The following SLC36A1 variants were observed in gnomAD, a reference collection of about 807,000 sequenced individuals.
SLC36A1 encodes the protein proton-coupled amino acid transporter 1.
In SLC36A1, 30 loss-of-function variants were observed where a neutral mutation model predicts 47.5. The ratio of observed to expected loss-of-function variants is 0.63; its 90% CI spans 0.47 to 0.86. The LOEUF is 0.86. Ranked by LOEUF, SLC36A1 falls within the 40% of genes least tolerant of loss-of-function variation. SLC36A1 has a pLI of 0.00. For missense variants in SLC36A1, 517 were observed against 606.0 expected (o/e 0.85, Z 1.54); for synonymous variants, 255 against 249.7 (o/e 1.02, Z -0.20).
chr5:151,465,220 T>A, intron 5 of SLC36A1, 51 bp downstream of exon 5: 3 of 1,382,102 alleles, frequency 2.2e-6, no homozygotes, highest in Non-Finnish European at 3.1e-6. Context: ...TGTGAGGCCT[T>A]CAGATGGGGA....
At chr5:151,353,929 C>A in the SLC36A1 span, among the ~76,000 whole-genome samples, 1 of 152,106 alleles carries the variant, frequency 6.6e-6, no homozygotes, top group Non-Finnish European at 1.5e-5. Context: ...ATATTCCATT[C>A]TTTGAATTTA....
At chr5:151,528,032 C>T in the SLC36A1 span, 3 of 1,614,224 alleles carry the variant, frequency 1.9e-6, no homozygotes, top group Non-Finnish European at 2.5e-6. Flanking sequence ...CCTGTAGCTC[C>T]CCCTTTTTGG....
At chr5:151,554,276 G>C in the SLC36A1 span, 1 of 1,239,594 alleles carries the variant, frequency 8.1e-7, no homozygotes, top group Admixed American at 2.2e-5. Context: ...TATGCTGGTG[G>C]GCTGTCTCCC....
At chr5:151,411,756 G>T in the SLC36A1 span, among the ~76,000 whole-genome samples, 1 of 144,250 alleles carries the variant, frequency 6.9e-6, no homozygotes, top group Non-Finnish European at 1.5e-5. Flanking sequence ...AGTTGAACAA[G>T]GGTCCTTAGT....
chr5:151,514,739 C>T, the SLC36A1 span, among the ~76,000 whole-genome samples: 1 of 152,182 alleles, frequency 6.6e-6, no homozygotes, highest in Non-Finnish European at 1.5e-5. Context: ...CTACTGAAAT[C>T]ATCAGATGGG....
At chr5:151,376,255 A>G in the SLC36A1 span, among the ~76,000 whole-genome samples, 1 of 152,098 alleles carries the variant, frequency 6.6e-6, no homozygotes, top group African/African-American at 2.4e-5. Flanking sequence ...AGATAATCAT[A>G]TTGTTTTTGT....
chr5:151,450,071 TGTCCACTTACTGGCATGTAG>T (rs1753403356), intron 1 of SLC36A1, among the ~76,000 whole-genome samples: 9 of 151,808 alleles, frequency 5.9e-5, no homozygotes, highest in Admixed American at 3.9e-4. Context: ...ATGGAGCCGA[TGTCCACTTACTGGCATGTAG>T]AGTGGATGGA....
upstream of SLC36A1, among the ~76,000 whole-genome samples, chr5:151,445,614 TAAACAGA>T (rs1443106562): frequency 6.6e-6 from 1 of 152,234 alleles, no homozygotes; most frequent in Non-Finnish European, 1.5e-5. Context: ...TTGGGAAGTT[TAAACAGA>T]AAACCAGAAA....
the SLC36A1 span, among the ~76,000 whole-genome samples, chr5:151,373,924 C>G: frequency 2.0e-5 from 3 of 152,028 alleles, no homozygotes; most frequent in Non-Finnish European, 4.4e-5. Context: ...TTAAATTGCT[C>G]TAAAAGAGAT....
chr5:151,468,734 T>A (rs1756940097), intron 7 of SLC36A1, among the ~76,000 whole-genome samples: 1 of 152,140 alleles, frequency 6.6e-6, no homozygotes, highest in African/African-American at 2.4e-5. Flanking sequence ...TGGTTTAGAC[T>A]TTTTTCAATT....
At chr5:151,429,705 T>C in the SLC36A1 span, among the ~76,000 whole-genome samples, 1 of 152,154 alleles carries the variant, frequency 6.6e-6, no homozygotes, top group Admixed American at 6.5e-5. Context: ...ATCTGAGTGT[T>C]TCTCTGTGTC....
At chr5:151,548,096 T>C in the SLC36A1 span, among the ~76,000 whole-genome samples, 3 of 152,308 alleles carry the variant, frequency 2.0e-5, no homozygotes, top group African/African-American at 7.2e-5. Flanking sequence ...ATATTCTTCT[T>C]CAGCGGTGAA....
At chr5:151,549,085 G>A in the SLC36A1 span, among the ~76,000 whole-genome samples, 9 of 152,142 alleles carry the variant, frequency 5.9e-5, no homozygotes, top group Non-Finnish European at 1.2e-4. Context: ...CACAGCATGA[G>A]TGGTCCTTAC....
intron 1 of SLC36A1, among the ~76,000 whole-genome samples, chr5:151,439,047 G>A (rs1390037753): frequency 6.6e-6 from 1 of 152,030 alleles, no homozygotes; most frequent in Non-Finnish European, 1.5e-5. Context: ...CTACATGGCT[G>A]GGAGGCCTCA....
At chr5:151,433,734 G>T (rs1415277643), upstream of SLC36A1, among the ~76,000 whole-genome samples, 1 of 152,036 alleles carries the variant, frequency 6.6e-6, no homozygotes, top group Non-Finnish European at 1.5e-5. Context: ...TCACTCCCAC[G>T]GGTATTTGCT....
At chr5:151,374,076 C>A in the SLC36A1 span, among the ~76,000 whole-genome samples, 1 of 152,182 alleles carries the variant, frequency 6.6e-6, no homozygotes, top group Non-Finnish European at 1.5e-5. Flanking sequence ...AAGGCCCTTG[C>A]ACCAGCAGCG....
chr5:151,482,991 C>T (rs947242761), intron 10 of SLC36A1, among the ~76,000 whole-genome samples: 4 of 151,996 alleles, frequency 2.6e-5, no homozygotes, highest in Non-Finnish European at 4.4e-5. Context: ...GAGCCAAGAT[C>T]GCGCCACTGC....
At chr5:151,545,962 T>C in the SLC36A1 span, 1 of 1,614,190 alleles carries the variant, frequency 6.2e-7, no homozygotes, top group South Asian at 1.1e-5. Context: ...AGACGAGATT[T>C]TCTCATGGTC....
At chr5:151,347,232 GGTTTT>G in the SLC36A1 span, 1 of 1,597,116 alleles carries the variant, frequency 6.3e-7, no homozygotes, top group African/African-American at 1.3e-5. Context: ...CCCACCTCAG[GGTTTT>G]TGCCAATGCA....
Sources: allele counts gnomAD v4.1 joint callset (sites outside exome capture counted in the v4.1 genomes callset), GRCh38; gene constraint gnomAD v4.1.1; transcripts MANE v1.5; gene names NCBI Gene and HGNC (gene_info 2026-07-23, HGNC 2026-07-21).